PPP4R2: variants seen among roughly 807,000 people sequenced by gnomAD.
PPP4R2 encodes protein phosphatase 4 regulatory subunit 2, also known as serine/threonine-protein phosphatase 4 regulatory subunit 2.
PPP4R2 carries 13 observed loss-of-function variants against 47.2 expected under a neutral mutation model. That is an observed-to-expected ratio of 0.28 (90% CI 0.18 to 0.44). PPP4R2 has a LOEUF of 0.44. Ranked by LOEUF, PPP4R2 falls within the 20% of genes least tolerant of loss-of-function variation. The pLI is 1.00. For synonymous variants in PPP4R2, 151 were observed against 163.3 expected (o/e 0.92, Z 0.57); for missense variants, 421 against 491.2 (o/e 0.86, Z 1.35).
Position 72,997,081 on chromosome 3 carries a change from G to C in PPP4R2, c.34+10G>C. The C allele has an allele frequency of 7.2e-7, 1 of 1,388,764 alleles. No homozygotes were observed. The highest frequency in any genetic ancestry group is 9.5e-7 in the Non-Finnish European group (1 of 1,054,558). The allele number at this position is 1,388,764 out of a possible 1,614,324, so 86.0% of individuals were successfully genotyped here. A position where few individuals can be genotyped will look rare whatever the true frequency, so the allele number is the denominator to read the frequency against. Reference sequence around the variant, plus strand: ...CAGGAGGCGCTGAAAGGTGGGGGTAGCTGCCCCCTCTCCATTCCCCCTCAC... The same window carrying C: ...CAGGAGGCGCTGAAAGGTGGGGGTACCTGCCCCCTCTCCATTCCCCCTCAC... On this transcript the variant is annotated intron_variant, in intron 1 of 8. Transcript: ENST00000356692.
At chr3:73,009,056 C>T (rs1701671164) in intron 2 of PPP4R2, among the ~76,000 whole-genome samples, 1 of 152,184 alleles carries the variant, frequency 6.6e-6, no homozygotes. Context: ...GTGGGAGTTA[C>T]TGTAACTAAT....
intron 2 of PPP4R2, among the ~76,000 whole-genome samples, chr3:73,025,479 G>GA (rs1702045632): frequency 1.3e-5 from 2 of 151,966 alleles, no homozygotes; most frequent in African/African-American, 4.8e-5. Context: ...TCTTTATAAG[G>GA]AAAAAAAGAC....
chr3:73,063,997 T>C lies in PPP4R2; in HGVS notation c.495-6T>C, dbSNP rs762382790. ...TAGGAAATGATGTTCATTTATCTTATTATAGGTCTAATATAAATGGGCCTG... is the reference window on the plus strand; with the variant it reads ...TAGGAAATGATGTTCATTTATCTTACTATAGGTCTAATATAAATGGGCCTG... On this transcript the variant is annotated splice_region_variant and splice_polypyrimidine_tract_variant and intron_variant, in intron 6 of 8. Coordinates refer to ENST00000356692, the MANE Select transcript of PPP4R2 (RefSeq NM_174907.4). 8.2e-6 allele frequency: 13 copies of C among 1,581,076 alleles called. No individual in the cohort carries two copies. The East Asian group carries it at 8.9e-5, about 11-fold the overall frequency.
chr3:73,035,641 T>G (rs923939330), intron 2 of PPP4R2, among the ~76,000 whole-genome samples: 1 of 152,130 alleles, frequency 6.6e-6, no homozygotes, highest in Non-Finnish European at 1.5e-5. Flanking sequence ...TTTTCCATTT[T>G]TGAGATGGAG....
At chr3:73,041,003 C>A (rs1416086100) in intron 2 of PPP4R2, among the ~76,000 whole-genome samples, 1 of 125,164 alleles carries the variant, frequency 8.0e-6, no homozygotes, top group African/African-American at 3.3e-5. Context: ...TGGTTGACTG[C>A]AGATTATGGA....
intron 2 of PPP4R2, among the ~76,000 whole-genome samples, chr3:73,015,596 C>T (rs1267533228): frequency 6.6e-6 from 1 of 151,714 alleles, no homozygotes; most frequent in East Asian, 1.9e-4. Flanking sequence ...CTACCTCAGC[C>T]TCTCGATTAG....
At chr3:73,002,034 A>C (rs918147709) in intron 2 of PPP4R2, among the ~76,000 whole-genome samples, 3 of 149,460 alleles carry the variant, frequency 2.0e-5, no homozygotes, top group African/African-American at 7.3e-5. Context: ...AGTAATCATC[A>C]GTCTTTAGAC....
chr3:72,997,850 G>A (rs1701382359), intron 1 of PPP4R2, among the ~76,000 whole-genome samples: 1 of 152,170 alleles, frequency 6.6e-6, no homozygotes, highest in Non-Finnish European at 1.5e-5. Context: ...GTTAAAAATG[G>A]TTTGTGAAGT....
Position 73,062,126 on chromosome 3 carries a change from T to C in PPP4R2, c.419+1066T>C, listed in dbSNP as rs1363501797. ...TGTATGCTTATGTTAATTCTCACAGTCTTTTTGTTTGGGTCTGTGACAGAT... is the reference window on the plus strand; with the variant it reads ...TGTATGCTTATGTTAATTCTCACAGCCTTTTTGTTTGGGTCTGTGACAGAT... On this transcript the variant is annotated intron_variant, in intron 5 of 8. Coordinates refer to ENST00000356692, the MANE Select transcript of PPP4R2 (RefSeq NM_174907.4). The C allele has an allele frequency of 2.6e-6, 4 of 1,548,576 alleles. No individual in the cohort carries two copies. In the East Asian group the frequency reaches 9.6e-5, roughly 37 times the overall value.
chr3:73,006,945 T>G (rs201825754), intron 2 of PPP4R2, among the ~76,000 whole-genome samples: 3 of 151,922 alleles, frequency 2.0e-5, no homozygotes, highest in African/African-American at 7.3e-5. Context: ...ATCCACTTTT[T>G]GAGTCTGTGG....
rs926648345 is a variant in PPP4R2 at position 73,068,971 on chromosome 3, A to C, written c.*3249A>C. The C allele has an allele frequency of 2.6e-5, 4 of 152,214 alleles. No homozygotes were observed. Among genetic ancestry groups the C allele is most frequent in the African/African-American group, 9.6e-5 (4 of 41,456 alleles). 9.4% of individuals were successfully genotyped at this position (152,214 alleles called of 1,614,324 possible). On this transcript the variant is annotated 3_prime_UTR_variant, in exon 9 of 9. Transcript: ENST00000356692. ...TCTCAAGATTTGTGCTAATCATAAA[A>C]TGAATGAATGCAAAACACCTTGTAA...
intron 2 of PPP4R2, among the ~76,000 whole-genome samples, chr3:73,020,673 A>AAAAAC (rs1701941450): frequency 6.2e-5 from 1 of 16,096 alleles, no homozygotes; most frequent in African/African-American, 2.4e-4. Flanking sequence ...CTGTCTCTTT[A>AAAAAC]AAAAAAAAAA....
At chr3:73,015,003 C>T (rs917548245) in intron 2 of PPP4R2, 11 of 672,050 alleles carry the variant, frequency 1.6e-5, no homozygotes, top group Non-Finnish European at 2.7e-5. Context: ...CTCACCCAGT[C>T]GTAATTTTTT....
intron 2 of PPP4R2, among the ~76,000 whole-genome samples, chr3:73,023,774 T>G (rs929954697): frequency 1.3e-5 from 2 of 152,186 alleles, no homozygotes; most frequent in Non-Finnish European, 2.9e-5. Context: ...GTAAGTTGCT[T>G]TTTAAAAAGT....
chr3:73,011,215 C>T (rs949641936), intron 2 of PPP4R2, among the ~76,000 whole-genome samples: 1 of 152,224 alleles, frequency 6.6e-6, no homozygotes, highest in Non-Finnish European at 1.5e-5. Flanking sequence ...TGCGGTGGCT[C>T]ACGCCTGTAA....
intron 2 of PPP4R2, chr3:73,027,821 C>G (rs938420047): frequency 2.0e-5 from 3 of 151,106 alleles, no homozygotes; most frequent in Admixed American, 6.6e-5. Context: ...TGTTACAGCT[C>G]TTTTAGAATT....
chr3:73,065,254 G>A, intron 8 of PPP4R2, 113 bp downstream of exon 8: 4 of 1,313,524 alleles, frequency 3.0e-6, no homozygotes, highest in Non-Finnish European at 4.1e-6. Context: ...TGCTGATGTT[G>A]GGCTTTTCTC....
intron 2 of PPP4R2, among the ~76,000 whole-genome samples, chr3:73,010,019 G>A (rs1169893016): frequency 6.6e-6 from 1 of 152,050 alleles, no homozygotes; most frequent in African/African-American, 2.4e-5. Context: ...CGGATACCTT[G>A]GGTAACCTAT....
chr3:73,048,392 C>T (rs889107284), intron 3 of PPP4R2, among the ~76,000 whole-genome samples: 3 of 151,984 alleles, frequency 2.0e-5, no homozygotes, highest in African/African-American at 7.2e-5. Flanking sequence ...TAGGCTAGGA[C>T]CACAGGTGCG....
Sources: gnomAD v4.1 joint callset for allele counts (sites outside exome capture counted in the v4.1 genomes callset) on GRCh38, gnomAD v4.1.1 for gene constraint, MANE v1.5 for transcripts, NCBI Gene and HGNC (gene_info 2026-07-23, HGNC 2026-07-21) for gene names.